Variants in TMCC3 observed in about 807,000 individuals in gnomAD.
TMCC3 encodes the protein transmembrane and coiled-coil domain family 3, also known as transmembrane and coiled-coil domain protein 3.
Under a neutral mutation model 40.2 loss-of-function variants are expected in TMCC3, and 28 were observed. The observed-to-expected ratio is 0.70, with a 90% confidence interval of 0.52 to 0.95. The LOEUF (loss-of-function observed/expected upper bound fraction) is 0.95, where lower values mean the gene tolerates loss of function less well. TMCC3 is among the 40% of genes least tolerant of loss of function. TMCC3 has a pLI of 0.00. For synonymous variants in TMCC3, 255 were observed against 248.5 expected (o/e 1.03, Z -0.25); for missense variants, 554 against 615.2 (o/e 0.90, Z 1.05).
intron 1 of TMCC3, among the ~76,000 whole-genome samples, chr12:94,607,080 T>G (rs1221642281): frequency 6.6e-6 from 1 of 152,192 alleles, no homozygotes; most frequent in Non-Finnish European, 1.5e-5. Flanking sequence ...ATGCATTCCT[T>G]CCGCACGGTA....
intron 3 of TMCC3, among the ~76,000 whole-genome samples, chr12:94,577,995 A>G (rs1244409266): frequency 6.6e-6 from 1 of 151,504 alleles, no homozygotes; most frequent in African/African-American, 2.4e-5. Context: ...AAAAATACAA[A>G]AAAATTAGCC....
chr12:94,612,338 G>T (rs547171011), intron 1 of TMCC3, among the ~76,000 whole-genome samples: 1 of 150,776 alleles, frequency 6.6e-6, no homozygotes, highest in African/African-American at 2.4e-5. Context: ...TTGAGATGGA[G>T]TCTCGCTCTG....
intron 3 of TMCC3, among the ~76,000 whole-genome samples, chr12:94,575,986 C>T (rs1377805846): frequency 2.6e-5 from 4 of 152,088 alleles, no homozygotes; most frequent in African/African-American, 4.8e-5. Context: ...TTATGTTGGC[C>T]AGGATGGTCT....
intron 1 of TMCC3, among the ~76,000 whole-genome samples, chr12:94,589,667 A>C (rs370506117): frequency 5.9e-5 from 9 of 151,900 alleles, no homozygotes; most frequent in African/African-American, 1.9e-4. Context: ...CCAGGCTGGA[A>C]ATTCTGGCTG....
intron 1 of TMCC3, among the ~76,000 whole-genome samples, chr12:94,588,755 A>C (rs980068384): frequency 6.6e-6 from 1 of 152,186 alleles, no homozygotes; most frequent in African/African-American, 2.4e-5. Context: ...AACCTTGTCC[A>C]ATCCACGGCC....
chr12:94,631,873 G>A (rs2068935596), intron 1 of TMCC3, among the ~76,000 whole-genome samples: 1 of 152,140 alleles, frequency 6.6e-6, no homozygotes, highest in African/African-American at 2.4e-5. Flanking sequence ...TGAAAAAACA[G>A]GTAAGTTCAG....
intron 1 of TMCC3, among the ~76,000 whole-genome samples, chr12:94,582,925 G>A (rs1036662627): frequency 6.8e-6 from 1 of 147,630 alleles, no homozygotes; most frequent in East Asian, 2.0e-4. Flanking sequence ...TATGGGGAAC[G>A]CATCCAACTC....
chr12:94,637,419 T>A (rs1214227760), intron 1 of TMCC3, among the ~76,000 whole-genome samples: 1 of 152,198 alleles, frequency 6.6e-6, no homozygotes, highest in Admixed American at 6.5e-5. Flanking sequence ...TTTTCACCTA[T>A]CAGATTGGCA....
intron 1 of TMCC3, among the ~76,000 whole-genome samples, chr12:94,648,564 G>A (rs1340570465): frequency 2.0e-5 from 3 of 152,170 alleles, no homozygotes; most frequent in South Asian, 2.1e-4. Context: ...AATCACATAA[G>A]GTTTTGACCT....
At chr12:94,626,485 T>G (rs945696160) in intron 1 of TMCC3, among the ~76,000 whole-genome samples, 32 of 152,260 alleles carry the variant, frequency 2.1e-4, no homozygotes, top group Admixed American at 4.6e-4. Flanking sequence ...TTTGATGTAT[T>G]AAACACTGAA....
intron 1 of TMCC3, among the ~76,000 whole-genome samples, chr12:94,645,100 C>A (rs1303006129): frequency 2.0e-5 from 3 of 152,180 alleles, no homozygotes; most frequent in African/African-American, 4.8e-5. Flanking sequence ...CAGACTGTTT[C>A]ATTTACCATT....
chr12:94,573,868 C>T (rs141186127), intron 3 of TMCC3, among the ~76,000 whole-genome samples: 1,631 of 152,308 alleles, frequency 0.011, 11 homozygotes, highest in Non-Finnish European at 0.016. Flanking sequence ...TTTTAGGTCT[C>T]GCCTTGATTG....
intron 1 of TMCC3, among the ~76,000 whole-genome samples, chr12:94,639,406 A>G (rs2068977053): frequency 6.6e-6 from 1 of 152,002 alleles, no homozygotes; most frequent in Admixed American, 6.6e-5. Flanking sequence ...AAATGGCGAA[A>G]CCCCATCTCT....
chr12:94,584,924 C>T (rs894382128), intron 1 of TMCC3, among the ~76,000 whole-genome samples: 4 of 151,704 alleles, frequency 2.6e-5, no homozygotes, highest in Non-Finnish European at 5.9e-5. Flanking sequence ...GGGTCGACCA[C>T]AGGAAGCTCA....
intron 1 of TMCC3, among the ~76,000 whole-genome samples, chr12:94,611,947 G>T (rs1344933492): frequency 1.3e-5 from 2 of 152,178 alleles, no homozygotes; most frequent in Non-Finnish European, 2.9e-5. Flanking sequence ...TTTACATATA[G>T]TTCATGTGAT....
At chr12:94,594,891 T>C (rs1284067986) in intron 1 of TMCC3, among the ~76,000 whole-genome samples, 1 of 152,230 alleles carries the variant, frequency 6.6e-6, no homozygotes. Context: ...GCACCTGTCT[T>C]GCAGAGTCTT....
chr12:94,580,628 G>A lies in TMCC3; in HGVS notation c.995+994C>T, dbSNP rs549308255. 1.7e-3 allele frequency among the ~76,000 whole-genome samples: 257 copies of A among 152,154 alleles called. 1 individual carries two copies. Among genetic ancestry groups the A allele is most frequent in the Non-Finnish European group, 2.6e-3 (175 of 68,006 alleles). On this transcript the variant is annotated intron_variant, in intron 2 of 3. Coordinates refer to ENST00000261226, the MANE Select transcript of TMCC3 (RefSeq NM_020698.4). ...TGGGTGCGTATAATCCCAGCTACTC[G>A]GGAGGCTTAGGCAGGAGGATCGCTT...
At chr12:94,613,425 C>T (rs1212214395) in intron 1 of TMCC3, among the ~76,000 whole-genome samples, 1 of 152,094 alleles carries the variant, frequency 6.6e-6, no homozygotes, top group Non-Finnish European at 1.5e-5. Flanking sequence ...CAAGATCACG[C>T]CACTGCACTC....
intron 1 of TMCC3, among the ~76,000 whole-genome samples, chr12:94,648,647 C>A (rs2069034573): frequency 6.6e-6 from 1 of 152,238 alleles, no homozygotes; most frequent in African/African-American, 2.4e-5. Context: ...TTACCTTACA[C>A]AATTGCTTTA....
Sources: allele counts gnomAD v4.1 joint callset (sites outside exome capture counted in the v4.1 genomes callset), GRCh38; gene constraint gnomAD v4.1.1; transcripts MANE v1.5; gene names NCBI Gene and HGNC (gene_info 2026-07-23, HGNC 2026-07-21).